Variants in FMN1 observed in about 807,000 individuals in gnomAD.
FMN1 encodes the protein formin-1.
In FMN1, 110 loss-of-function variants were observed where a neutral mutation model predicts 132.4. The observed-to-expected ratio is 0.83, with a 90% CI of 0.71 to 0.97. The LOEUF (loss-of-function observed/expected upper bound fraction) is 0.97, where lower values mean the gene tolerates loss of function less well. FMN1 is among the 50% of genes least tolerant of loss of function. The pLI is 0.00. For synonymous variants in FMN1, 722 were observed against 651.7 expected (o/e 1.11, Z -1.64); for missense variants, 1,792 against 1,705.3 (o/e 1.05, Z -0.90).
intron 9 of FMN1, among the ~76,000 whole-genome samples, chr15:32,950,753 C>T (rs1003448090): frequency 6.6e-6 from 1 of 152,076 alleles, no homozygotes; most frequent in Admixed American, 6.6e-5. Context: ...GGCTTAATAC[C>T]TGGGTGACGA....
intron 4 of FMN1, among the ~76,000 whole-genome samples, chr15:33,123,189 A>G (rs1029082112): frequency 6.6e-6 from 1 of 151,632 alleles, no homozygotes; most frequent in South Asian, 2.1e-4. Context: ...TCCAGGCCCA[A>G]TTCAAGTCCC....
At chr15:32,936,120 G>C (rs996267336) in intron 9 of FMN1, among the ~76,000 whole-genome samples, 1 of 152,074 alleles carries the variant, frequency 6.6e-6, no homozygotes, top group African/African-American at 2.4e-5. Flanking sequence ...TGTTGATACT[G>C]TCATTTTGTT....
At chr15:32,964,633 G>A (rs562892984) in intron 8 of FMN1, among the ~76,000 whole-genome samples, 1 of 152,306 alleles carries the variant, frequency 6.6e-6, no homozygotes, top group African/African-American at 2.4e-5. Flanking sequence ...AGGCTGAGAA[G>A]ATAACCAATT....
chr15:32,774,072 C>G lies in FMN1; in HGVS notation c.*238G>C. ...GTGGACTTTGGGCTTCCACAAGAAA[C>G]AGTCATCAAATATTTCTGCAATGTT... On this transcript the variant is annotated 3_prime_UTR_variant, in exon 21 of 21. Transcript: ENST00000616417. The G allele has an allele frequency of 2.0e-6, 1 of 507,346 alleles. No individual in the cohort carries two copies. The allele number at this position is 507,346 out of a possible 1,614,324, so 31.4% of individuals were successfully genotyped here. A position where few individuals can be genotyped will look rare whatever the true frequency, so the allele number is the denominator to read the frequency against.
At chr15:33,023,840 CTAT>C (rs2035538739) in intron 6 of FMN1, among the ~76,000 whole-genome samples, 1 of 152,102 alleles carries the variant, frequency 6.6e-6, no homozygotes, top group Admixed American at 6.5e-5. Context: ...GAGGGATAGA[CTAT>C]TTTTTTAAAG....
chr15:32,835,029 A>G (rs1316952404), intron 17 of FMN1, among the ~76,000 whole-genome samples: 1 of 152,104 alleles, frequency 6.6e-6, no homozygotes, highest in African/African-American at 2.4e-5. Flanking sequence ...CCTTTGTTAG[A>G]GTTTGTGAAT....
At chr15:32,905,603 T>C (rs955382167) in intron 12 of FMN1, among the ~76,000 whole-genome samples, 4 of 152,198 alleles carry the variant, frequency 2.6e-5, no homozygotes, top group Admixed American at 1.3e-4. Flanking sequence ...CTGTGGGCAA[T>C]GGCTTTCTAA....
chr15:32,896,385 T>G (rs1485684443), intron 15 of FMN1, among the ~76,000 whole-genome samples: 1 of 152,114 alleles, frequency 6.6e-6, no homozygotes, highest in African/African-American at 2.4e-5. Context: ...TGACTGGTAC[T>G]TCCAACAGAG....
intron 7 of FMN1, among the ~76,000 whole-genome samples, chr15:32,979,514 C>T (rs893959774): frequency 1.4e-5 from 2 of 145,280 alleles, no homozygotes; most frequent in Non-Finnish European, 3.0e-5. Flanking sequence ...GGAGATTGTG[C>T]CATTGCACTG....
At chr15:32,845,003 T>G (rs2141231789) in intron 17 of FMN1, among the ~76,000 whole-genome samples, 1 of 152,374 alleles carries the variant, frequency 6.6e-6, no homozygotes, top group Middle Eastern at 3.4e-3. Context: ...TGAAAAGATC[T>G]TTCCAGAATT....
intron 7 of FMN1, among the ~76,000 whole-genome samples, chr15:32,976,970 A>T (rs2032259566): frequency 6.6e-6 from 1 of 152,196 alleles, no homozygotes; most frequent in African/African-American, 2.4e-5. Context: ...TCTGTATAAG[A>T]TCCCACAGCT....
intron 5 of FMN1, among the ~76,000 whole-genome samples, chr15:33,086,965 C>T (rs2038719542): frequency 6.6e-6 from 1 of 152,234 alleles, no homozygotes; most frequent in African/African-American, 2.4e-5. Context: ...ACTTAACCCA[C>T]ACTCGTCAAA....
At chr15:32,953,042 A>G (rs2061688392) in intron 9 of FMN1, among the ~76,000 whole-genome samples, 1 of 152,178 alleles carries the variant, frequency 6.6e-6, no homozygotes, top group African/African-American at 2.4e-5. Context: ...ACTCACATGT[A>G]AGGGGCTTGG....
chr15:33,057,076 G>T (rs1433337593), intron 6 of FMN1, among the ~76,000 whole-genome samples: 1 of 152,178 alleles, frequency 6.6e-6, no homozygotes, highest in Non-Finnish European at 1.5e-5. Flanking sequence ...TACTCGGGAG[G>T]CTGAGGCAGA....
chr15:32,799,777 T>G (rs2057416195), intron 18 of FMN1, among the ~76,000 whole-genome samples: 1 of 152,180 alleles, frequency 6.6e-6, no homozygotes, highest in African/African-American at 2.4e-5. Flanking sequence ...AGGCACTAGC[T>G]TTGCAGCAAT....
At chr15:33,116,538 T>C (rs1489569785) in intron 4 of FMN1, among the ~76,000 whole-genome samples, 1 of 152,230 alleles carries the variant, frequency 6.6e-6, no homozygotes, top group Non-Finnish European at 1.5e-5. Context: ...AGAATCGTTC[T>C]TTGCTCAATT....
chr15:32,867,776 C>A (rs1365968198), intron 16 of FMN1, among the ~76,000 whole-genome samples: 2 of 152,242 alleles, frequency 1.3e-5, no homozygotes, highest in African/African-American at 2.4e-5. Flanking sequence ...CAGGCGTGAG[C>A]CACCGCGCCC....
chr15:32,980,216 G>C (rs1222187321), intron 7 of FMN1, among the ~76,000 whole-genome samples: 1 of 151,722 alleles, frequency 6.6e-6, no homozygotes, highest in Non-Finnish European at 1.5e-5. Flanking sequence ...TGCCAGAAAG[G>C]GATCACAAAA....
intron 17 of FMN1, among the ~76,000 whole-genome samples, chr15:32,834,663 T>A (rs1189528173): frequency 6.6e-6 from 1 of 152,200 alleles, no homozygotes; most frequent in African/African-American, 2.4e-5. Context: ...ACCGTTATTA[T>A]TTTCAGCAAT....
Sources: gnomAD v4.1 joint callset for allele counts (sites outside exome capture counted in the v4.1 genomes callset) on GRCh38, gnomAD v4.1.1 for gene constraint, MANE v1.5 for transcripts, NCBI Gene and HGNC (gene_info 2026-07-23, HGNC 2026-07-21) for gene names.